ITGBL1: variants seen among roughly 807,000 people sequenced by gnomAD.
ITGBL1 encodes the protein integrin subunit beta like 1.
Under a neutral mutation model 68.5 loss-of-function variants are expected in ITGBL1, and 51 were observed. The ratio of observed to expected loss-of-function variants is 0.74; its 90% CI spans 0.59 to 0.94. ITGBL1 has a LOEUF of 0.94. ITGBL1 is among the 40% of genes least tolerant of loss of function. The pLI, the probability that ITGBL1 is intolerant of heterozygous loss-of-function variation, is 0.00. For missense variants in ITGBL1, 649 were observed against 647.4 expected (o/e 1.00, Z -0.03); for synonymous variants, 209 against 227.3 (o/e 0.92, Z 0.72).
At chr13:101,453,427 T>C (rs910479791) in intron 1 of ITGBL1, among the ~76,000 whole-genome samples, 2 of 152,226 alleles carry the variant, frequency 1.3e-5, no homozygotes, top group African/African-American at 2.4e-5. Context: ...ACTCTTTCTA[T>C]AGATTCACGT....
chr13:101,584,113 A>G (rs2050510923), intron 6 of ITGBL1, among the ~76,000 whole-genome samples: 1 of 152,228 alleles, frequency 6.6e-6, no homozygotes, highest in African/African-American at 2.4e-5. Flanking sequence ...AATATCAATT[A>G]GTAGATTCAA....
intron 7 of ITGBL1, among the ~76,000 whole-genome samples, chr13:101,607,091 A>G (rs893131045): frequency 1.6e-4 from 25 of 152,086 alleles, no homozygotes; most frequent in African/African-American, 6.0e-4. Flanking sequence ...ATATTTTATA[A>G]ATGATGTGTT....
In ITGBL1 at chr13:101,493,819, G is replaced by C. The variant is rs2048816368; in HGVS notation, c.316+39719G>C. ...GCCTATCTGATGTTTCTTCTTTGGG[G>C]ACCTTTCAGAATTTCAAGGTTATAG... On this transcript the variant is annotated intron_variant, in intron 2 of 10. Coordinates refer to ENST00000376180, the MANE Select transcript of ITGBL1 (RefSeq NM_004791.3). Among the ~76,000 whole-genome samples the C allele has an allele frequency of 2.0e-5, 3 of 152,304 alleles. No homozygotes were observed. In the South Asian group the frequency reaches 6.2e-4, roughly 32 times the overall value.
chr13:101,556,386 C>G (rs558302045), intron 2 of ITGBL1, among the ~76,000 whole-genome samples: 1 of 152,256 alleles, frequency 6.6e-6, no homozygotes, highest in East Asian at 1.9e-4. Context: ...CCTGTAATCC[C>G]AGCACTTTGG....
intron 2 of ITGBL1, among the ~76,000 whole-genome samples, chr13:101,550,213 T>C (rs1344649722): frequency 1.3e-5 from 2 of 152,202 alleles, no homozygotes; most frequent in East Asian, 3.8e-4. Context: ...TTCCAGACTA[T>C]CTTTTCATGG....
chr13:101,667,274 T>C (rs1372896761), intron 7 of ITGBL1, among the ~76,000 whole-genome samples: 1 of 152,206 alleles, frequency 6.6e-6, no homozygotes, highest in East Asian at 1.9e-4. Flanking sequence ...GGCTAACATA[T>C]AGTCTTTTAA....
chr13:101,533,154 A>G (rs1295541582), intron 2 of ITGBL1, among the ~76,000 whole-genome samples: 1 of 152,204 alleles, frequency 6.6e-6, no homozygotes, highest in Non-Finnish European at 1.5e-5. Context: ...ATGTAGGGTG[A>G]AAGTTCCTCA....
At chr13:101,715,218 T>G in intron 10 of ITGBL1, 1 of 205,954 alleles carries the variant, frequency 4.9e-6, no homozygotes, top group Non-Finnish European at 9.9e-6. Flanking sequence ...CTGCCTCATG[T>G]TATGTCAAAG....
intron 7 of ITGBL1, among the ~76,000 whole-genome samples, chr13:101,612,160 T>C (rs967346579): frequency 6.6e-5 from 10 of 152,244 alleles, no homozygotes; most frequent in African/African-American, 2.2e-4. Context: ...AGTTTATAAA[T>C]AATTTTGGCC....
At chr13:101,652,711 G>A (rs1314686187) in intron 7 of ITGBL1, among the ~76,000 whole-genome samples, 1 of 152,150 alleles carries the variant, frequency 6.6e-6, no homozygotes, top group Non-Finnish European at 1.5e-5. Flanking sequence ...ACTGGAAGAA[G>A]GTTCAAGAAG....
chr13:101,699,932 C>CT (rs753243383), intron 8 of ITGBL1, among the ~76,000 whole-genome samples: 27 of 152,210 alleles, frequency 1.8e-4, no homozygotes, highest in Admixed American at 3.3e-4. Flanking sequence ...TTTGTCATTT[C>CT]ATGAGACAAC....
chr13:101,457,785 C>T (rs1366624219), intron 2 of ITGBL1, among the ~76,000 whole-genome samples: 2 of 151,984 alleles, frequency 1.3e-5, no homozygotes, highest in African/African-American at 4.8e-5. Context: ...CATTGCACTC[C>T]AGCCTGAGTG....
intron 7 of ITGBL1, among the ~76,000 whole-genome samples, chr13:101,680,464 C>T (rs530697669): frequency 1.3e-5 from 2 of 150,776 alleles, no homozygotes; most frequent in Admixed American, 6.6e-5. Context: ...CCTACTGTTA[C>T]CACACCAGCA....
At chr13:101,522,632 A>T (rs1195440194) in intron 2 of ITGBL1, among the ~76,000 whole-genome samples, 1 of 152,214 alleles carries the variant, frequency 6.6e-6, no homozygotes, top group Non-Finnish European at 1.5e-5. Flanking sequence ...TATGTGGGAC[A>T]TTGACAGAAG....
intron 7 of ITGBL1, among the ~76,000 whole-genome samples, chr13:101,602,092 T>TTTCAG (rs2030421719): frequency 6.6e-6 from 1 of 152,064 alleles, no homozygotes; most frequent in South Asian, 2.1e-4. Context: ...GTATGTTCAA[T>TTTCAG]TTCAGTTCAG....
intron 2 of ITGBL1, among the ~76,000 whole-genome samples, chr13:101,479,179 T>A (rs1260512597): frequency 6.6e-6 from 1 of 151,806 alleles, no homozygotes; most frequent in African/African-American, 2.4e-5. Flanking sequence ...CCTCATTTTT[T>A]ATAAAGGTGC....
chr13:101,474,696 C>T (rs1398326320), intron 2 of ITGBL1, among the ~76,000 whole-genome samples: 1 of 152,142 alleles, frequency 6.6e-6, no homozygotes, highest in Non-Finnish European at 1.5e-5. Context: ...TGTGTTACCC[C>T]TCCCCCAGTT....
chr13:101,673,308 C>T (rs185368833), intron 7 of ITGBL1, among the ~76,000 whole-genome samples: 24 of 152,258 alleles, frequency 1.6e-4, no homozygotes, highest in Admixed American at 1.3e-3. Flanking sequence ...TATTTACATG[C>T]CCTGACAGAT....
At chr13:101,539,050 C>CTTTTT (rs35288585) in intron 2 of ITGBL1, among the ~76,000 whole-genome samples, 31 of 99,474 alleles carry the variant, frequency 3.1e-4, no homozygotes, top group East Asian at 7.0e-4. Flanking sequence ...TGTGCTGCTT[C>CTTTTT]TTTTTTTTTT....
Sources: allele counts gnomAD v4.1 joint callset (sites outside exome capture counted in the v4.1 genomes callset), GRCh38; gene constraint gnomAD v4.1.1; transcripts MANE v1.5; gene names NCBI Gene and HGNC (gene_info 2026-07-23, HGNC 2026-07-21).